ITPR1: variants seen among roughly 807,000 people sequenced by gnomAD.
ITPR1 encodes the protein inositol 1,4,5-trisphosphate-gated calcium channel ITPR1.
Under a neutral mutation model 318.4 loss-of-function variants are expected in ITPR1, and 96 were observed. That is an observed-to-expected ratio of 0.30 (90% CI 0.26 to 0.36). The LOEUF is 0.36. Among genes scored for constraint, ITPR1 ranks in the 10% least tolerant of loss-of-function variants. ITPR1 has a pLI of 1.00. For synonymous variants in ITPR1, 1,312 were observed against 1,289.9 expected, an observed-to-expected ratio of 1.02 and a Z score of -0.37; for missense variants, 2,440 against 3,460.2, an observed-to-expected ratio of 0.71 and a Z score of 7.40.
At chr3:4,684,145 G>A (rs2094349586) in intron 28 of ITPR1, 136 bp from the exon 29 acceptor site, 16 of 663,792 alleles carry the variant, frequency 2.4e-5, no homozygotes, top group Non-Finnish European at 4.0e-5. Context: ...GTAGATGACT[G>A]GGGCATAAGC....
intron 24 of ITPR1, among the ~76,000 whole-genome samples, chr3:4,677,057 C>T (rs181158993): frequency 7.2e-5 from 11 of 152,300 alleles, no homozygotes; most frequent in Non-Finnish European, 1.0e-4. Flanking sequence ...TGATCATTGG[C>T]CTCCATGCCA....
chr3:4,619,923 C>A (rs1457069675), intron 4 of ITPR1, among the ~76,000 whole-genome samples: 1 of 150,384 alleles, frequency 6.6e-6, no homozygotes, highest in African/African-American at 2.5e-5. Context: ...TACATTAAAA[C>A]ATTTTTTGTC....
intron 44 of ITPR1, among the ~76,000 whole-genome samples, chr3:4,753,808 C>T (rs2044734004): frequency 6.6e-6 from 1 of 152,102 alleles, no homozygotes; most frequent in Non-Finnish European, 1.5e-5. Context: ...TGTAGACACC[C>T]TGCCGGTACT....
chr3:4,800,343 T>C, intron 53 of ITPR1, 82 bp from the exon 54 acceptor site: 1 of 1,422,338 alleles, frequency 7.0e-7, no homozygotes. Flanking sequence ...TTGAGGAATC[T>C]GTAACAGTGC....
intron 36 of ITPR1, 50 bp downstream of exon 36, chr3:4,703,000 A>T (rs1219710080): frequency 2.5e-6 from 4 of 1,590,860 alleles, no homozygotes; most frequent in Non-Finnish European, 3.4e-6. Flanking sequence ...GAATTGTCTG[A>T]CAGTAGTAAG....
intron 44 of ITPR1, among the ~76,000 whole-genome samples, chr3:4,754,510 G>A (rs1187277351): frequency 6.6e-6 from 1 of 152,126 alleles, no homozygotes; most frequent in Non-Finnish European, 1.5e-5. Flanking sequence ...GCCACCAGAG[G>A]ATACTTGTCA....
At chr3:4,661,363 T>C (rs2093829066) in intron 14 of ITPR1, among the ~76,000 whole-genome samples, 2 of 152,232 alleles carry the variant, frequency 1.3e-5, no homozygotes, top group South Asian at 4.1e-4. Flanking sequence ...ATTTCATGAC[T>C]GTCTGAAGGA....
intron 4 of ITPR1, among the ~76,000 whole-genome samples, chr3:4,553,566 G>T (rs2085792768): frequency 1.3e-5 from 2 of 151,398 alleles, no homozygotes; most frequent in South Asian, 4.2e-4. Flanking sequence ...GAGTAGCTGG[G>T]ACTACAAGCG....
intron 4 of ITPR1, among the ~76,000 whole-genome samples, chr3:4,558,826 C>G (rs1038383411): frequency 1.4e-5 from 2 of 145,600 alleles, no homozygotes; most frequent in African/African-American, 4.9e-5. Flanking sequence ...TTTCATCTGT[C>G]TTTTTTCTTT....
Position 4,782,612 on chromosome 3 carries a change from C to G in ITPR1, c.6388-7C>G. 6.2e-7 allele frequency: 1 copy of G among 1,602,090 alleles called. No individual in the cohort carries two copies. The highest frequency in any genetic ancestry group is 8.5e-7 in the Non-Finnish European group (1 of 1,173,946). On this transcript the variant is annotated splice_polypyrimidine_tract_variant and splice_region_variant and intron_variant, in intron 49 of 61. Coordinates refer to ENST00000649015, the MANE Select transcript of ITPR1 (RefSeq NM_001378452.1). ...CAGGATTTTTGTTCCCTTGGCTCTT[C>G]TTGCAGGTGGAAGTGATCAAGAAAG... is the stretch of plus-strand genomic sequence containing the variant.
intron 46 of ITPR1, among the ~76,000 whole-genome samples, chr3:4,772,701 C>G (rs1575193553): frequency 6.6e-6 from 1 of 152,238 alleles, no homozygotes; most frequent in Non-Finnish European, 1.5e-5. Flanking sequence ...GGCAGGATTT[C>G]TCTAGCTTGG....
rs1276309935 is a variant in ITPR1, at chr3:4,639,342, A to G, written c.280-42A>G. On this transcript the variant is annotated intron_variant, in intron 5 of 61. Coordinates refer to ENST00000649015, the MANE Select transcript of ITPR1 (RefSeq NM_001378452.1). The stretch of plus-strand genomic sequence containing the variant: ...GCGTCACTGCAGTGGGATAGAACAC[A>G]TGGTTTCCTCTTTGTGATCAATCTT... 6 of 1,443,034 alleles carry G rather than the reference A, an allele frequency of 4.2e-6. No homozygotes were observed. In the African/African-American group the frequency reaches 5.6e-5, roughly 14 times the overall value. 89.4% of individuals were successfully genotyped at this position (1,443,034 alleles called of 1,614,324 possible). A position where few individuals can be genotyped will look rare whatever the true frequency, so the allele number is the denominator to read the frequency against.
chr3:4,769,329 T>G (rs759864275), intron 46 of ITPR1, among the ~76,000 whole-genome samples: 1 of 152,200 alleles, frequency 6.6e-6, no homozygotes, highest in Non-Finnish European at 1.5e-5. Flanking sequence ...ATATATTTGT[T>G]AAGTGTCTGT....
intron 59 of ITPR1, chr3:4,817,494 T>C (rs1361603483): frequency 6.6e-6 from 1 of 152,282 alleles, no homozygotes; most frequent in Non-Finnish European, 1.5e-5. Context: ...TTGTGTTCTT[T>C]TCTCAGGCAG....
At chr3:4,737,698 A>T (rs1022501251) in intron 44 of ITPR1, among the ~76,000 whole-genome samples, 1 of 152,230 alleles carries the variant, frequency 6.6e-6, no homozygotes, top group Non-Finnish European at 1.5e-5. Flanking sequence ...CAGTCTAAGA[A>T]TTAAAAAGTT....
At chr3:4,675,037 A>G (rs758613458) in intron 22 of ITPR1, 31 bp from the exon 23 acceptor site, 2 of 1,265,372 alleles carry the variant, frequency 1.6e-6, no homozygotes, top group South Asian at 2.5e-5. Flanking sequence ...TTTATGTAAT[A>G]CCGTCTTCTT....
At chr3:4,679,464 C>T (rs1041774823) in intron 24 of ITPR1, among the ~76,000 whole-genome samples, 8 of 152,144 alleles carry the variant, frequency 5.3e-5, no homozygotes, top group East Asian at 1.9e-4. Flanking sequence ...GGCCAAAAGC[C>T]GGAGAACCTG....
chr3:4,561,384 A>G (rs886636076), intron 4 of ITPR1, among the ~76,000 whole-genome samples: 1 of 152,222 alleles, frequency 6.6e-6, no homozygotes, highest in African/African-American at 2.4e-5. Context: ...GTGGTTAATA[A>G]TGGCTCAAGA....
At chr3:4,751,224 T>C (rs2044489417) in intron 44 of ITPR1, 1 of 152,602 alleles carries the variant, frequency 6.6e-6, no homozygotes, top group African/African-American at 2.4e-5. Flanking sequence ...ACAATCATAA[T>C]TCCTGGAGCT....
Sources: gnomAD v4.1 joint callset for allele counts (sites outside exome capture counted in the v4.1 genomes callset) on GRCh38, gnomAD v4.1.1 for gene constraint, MANE v1.5 for transcripts, NCBI Gene and HGNC (gene_info 2026-07-23, HGNC 2026-07-21) for gene names.